MCF2L2: variants seen among roughly 807,000 people sequenced by gnomAD.
MCF2L2 encodes MCF.2 cell line derived transforming sequence-like 2.
Under a neutral mutation model 150.2 loss-of-function variants are expected in MCF2L2, and 102 were observed. That is an observed-to-expected ratio of 0.68 (90% confidence interval 0.58 to 0.80). MCF2L2 has a LOEUF of 0.80. Among genes scored for constraint, MCF2L2 ranks in the 30% least tolerant of loss-of-function variants. The pLI is 0.00. For missense variants in MCF2L2, 1,256 were observed against 1,372.8 expected (o/e 0.91, Z 1.34); for synonymous variants, 465 against 491.3 (o/e 0.95, Z 0.71).
intron 4 of MCF2L2, among the ~76,000 whole-genome samples, chr3:183,339,153 T>C (rs1305912631): frequency 7.9e-5 from 12 of 152,196 alleles, no homozygotes; most frequent in Non-Finnish European, 1.5e-4. Flanking sequence ...AAATGTTTTC[T>C]GATTATAAAA....
intron 5 of MCF2L2, among the ~76,000 whole-genome samples, chr3:183,323,887 T>G (rs1435989654): frequency 6.6e-6 from 1 of 151,880 alleles, no homozygotes; most frequent in Admixed American, 6.6e-5. Context: ...CAAAGCGTGG[T>G]ATAGCCTGTG....
intron 25 of MCF2L2, among the ~76,000 whole-genome samples, chr3:183,199,916 G>A (rs1332787450): frequency 3.9e-5 from 6 of 151,930 alleles, no homozygotes; most frequent in Admixed American, 2.0e-4. Context: ...TCAGAATGAT[G>A]GTTTCCAGCT....
intron 15 of MCF2L2, chr3:183,273,366 A>C (rs967681168): frequency 4.8e-6 from 1 of 210,054 alleles, no homozygotes; most frequent in Non-Finnish European, 1.0e-5. Context: ...TATAGTTTCC[A>C]ATAAACAACT....
chr3:183,297,201 C>G, intron 11 of MCF2L2, 34 bp from the exon 12 acceptor site: 1 of 1,588,008 alleles, frequency 6.3e-7, no homozygotes. Flanking sequence ...GTGCACTTCG[C>G]CTGACCACAA....
chr3:183,353,560 C>T (rs536577254), intron 3 of MCF2L2, among the ~76,000 whole-genome samples: 5 of 152,000 alleles, frequency 3.3e-5, no homozygotes, highest in African/African-American at 9.7e-5. Flanking sequence ...GAAGGCAAAG[C>T]GGGGCAGGCA....
chr3:183,344,356 GA>G (rs1194299702), intron 3 of MCF2L2, among the ~76,000 whole-genome samples: 2 of 152,072 alleles, frequency 1.3e-5, no homozygotes, highest in Non-Finnish European at 2.9e-5. Context: ...CAGGAAAGGA[GA>G]AATAAAGGAA....
rs1341047505 is a variant in MCF2L2, at chr3:183,321,945, T to G, written c.603+1290A>C. 7.2e-5 allele frequency among the ~76,000 whole-genome samples: 11 copies of G among 152,246 alleles called. 1 individual carries two copies. The South Asian group carries it at 2.3e-3, about 31-fold the overall frequency. On this transcript the variant is annotated intron_variant, in intron 6 of 29. Coordinates refer to ENST00000328913, the MANE Select transcript of MCF2L2 (RefSeq NM_015078.4). The stretch of plus-strand genomic sequence containing the variant: ...AGGCCCCAGCAGATTTGGTGTCTGG[T>G]GGAGGTCTGTTCCTCATAAAGGATG...
chr3:183,340,390 G>A (rs1336775499), intron 4 of MCF2L2, among the ~76,000 whole-genome samples: 1 of 152,082 alleles, frequency 6.6e-6, no homozygotes, highest in Non-Finnish European at 1.5e-5. Flanking sequence ...CTGCCCCAGA[G>A]GGCCTATGCT....
At chr3:183,346,649 T>C (rs368649191) in intron 3 of MCF2L2, among the ~76,000 whole-genome samples, 4 of 152,204 alleles carry the variant, frequency 2.6e-5, no homozygotes, top group African/African-American at 9.6e-5. Context: ...CATGATTGTA[T>C]ATTTAGAAAA....
At chr3:183,289,316 T>C in intron 13 of MCF2L2, 96 bp from the exon 14 acceptor site, 1 of 780,888 alleles carries the variant, frequency 1.3e-6, no homozygotes, top group East Asian at 2.7e-5. Context: ...CACGTCAATG[T>C]GGCTAACTAT....
Position 183,355,709 on chromosome 3 carries a change from G to A in MCF2L2, c.276-14079C>T, listed in dbSNP as rs1373534383. ...TCTTGATCTCCTGACCTCGTGATCCGCCTGCCTCGGCCTCCCAAAGTGCTG... is the reference window on the plus strand; with the variant it reads ...TCTTGATCTCCTGACCTCGTGATCCACCTGCCTCGGCCTCCCAAAGTGCTG... On this transcript the variant is annotated intron_variant, in intron 3 of 29. Transcript: ENST00000328913. 4.8e-5 allele frequency among the ~76,000 whole-genome samples: 7 copies of A among 144,342 alleles called. No individual in the cohort carries two copies. In the South Asian group the frequency reaches 1.1e-3, roughly 23 times the overall value. The allele number at this position is 144,342 out of a possible 152,430, so 94.7% of individuals were successfully genotyped here.
intron 15 of MCF2L2, among the ~76,000 whole-genome samples, chr3:183,262,150 C>G (rs1420351119): frequency 8.6e-6 from 1 of 115,874 alleles, no homozygotes; most frequent in Non-Finnish European, 1.6e-5. Flanking sequence ...ATTATATACA[C>G]TAAGGGTTAG....
At chr3:183,206,947 A>AGGG (rs1722503507) in intron 23 of MCF2L2, among the ~76,000 whole-genome samples, 1 of 50,728 alleles carries the variant, frequency 2.0e-5, no homozygotes, top group Admixed American at 1.8e-4. Flanking sequence ...GGAAGGAAGG[A>AGGG]AGGAAGGAAG....
intron 25 of MCF2L2, among the ~76,000 whole-genome samples, chr3:183,202,713 C>T (rs1204785420): frequency 2.6e-5 from 4 of 152,182 alleles, no homozygotes; most frequent in African/African-American, 9.7e-5. Flanking sequence ...ATACAGACTT[C>T]ACAGAATTAG....
intron 10 of MCF2L2, among the ~76,000 whole-genome samples, chr3:183,303,066 C>T (rs1217880056): frequency 2.6e-5 from 4 of 151,820 alleles, no homozygotes; most frequent in African/African-American, 7.3e-5. Flanking sequence ...TGGTGGCACA[C>T]ACCTGTAGTC....
In MCF2L2 at chr3:183,297,062, A is replaced by T; in HGVS notation, c.1411T>A (p.Phe471Ile). The stretch of plus-strand genomic sequence containing the variant: ...GGGTACTCCTTGACTGTGCCCAGGA[A>T]TGTCGCAATGTCGTTCAAGGCGATA... ...VDIALNDIAT[F>I]LGTVKEYPLL... is the part of the protein sequence containing the mutation. Residue 471 changes from phenylalanine to isoleucine, a missense_variant, in exon 12 of 30, where the codon TTC (phenylalanine) becomes ATC (isoleucine). Coordinates refer to ENST00000328913, the MANE Select transcript of MCF2L2 (RefSeq NM_015078.4). The T allele has an allele frequency of 1.2e-6, 2 of 1,614,196 alleles. No individual in the cohort carries two copies. Among genetic ancestry groups the T allele is most frequent in the South Asian group, 2.2e-5 (2 of 91,088 alleles).
chr3:183,187,144 A>G (rs1721726387), intron 27 of MCF2L2, among the ~76,000 whole-genome samples: 1 of 152,214 alleles, frequency 6.6e-6, no homozygotes, highest in African/African-American at 2.4e-5. Flanking sequence ...ACACAAAAAA[A>G]AAGATAATGA....
intron 3 of MCF2L2, among the ~76,000 whole-genome samples, chr3:183,355,490 T>C (rs1161651306): frequency 1.3e-4 from 20 of 151,318 alleles, no homozygotes; most frequent in African/African-American, 4.4e-4. Context: ...CTCTGTCGCA[T>C]AGGTGGAGTG....
At chr3:183,272,700 A>T (rs973243061) in intron 15 of MCF2L2, 2 of 1,014,466 alleles carry the variant, frequency 2.0e-6, no homozygotes, top group African/African-American at 1.7e-5. Context: ...CATAGAGAAC[A>T]AAAGCATATT....
Sources: allele counts gnomAD v4.1 joint callset (sites outside exome capture counted in the v4.1 genomes callset), GRCh38; gene constraint gnomAD v4.1.1; transcripts MANE v1.5; gene names NCBI Gene and HGNC (gene_info 2026-07-23, HGNC 2026-07-21).